Variants in NSMAF observed in about 807,000 individuals in gnomAD.
The protein encoded by NSMAF is protein FAN.
NSMAF carries 90 observed loss-of-function variants against 134.9 expected under a neutral mutation model. The ratio of observed to expected loss-of-function variants is 0.67; its 90% CI spans 0.56 to 0.79. NSMAF has a LOEUF of 0.79. Among genes scored for constraint, NSMAF ranks in the 30% least tolerant of loss-of-function variants. The pLI is 0.00. For synonymous variants in NSMAF, 358 were observed against 389.6 expected (o/e 0.92, Z 0.96); for missense variants, 1,010 against 1,119.0 (o/e 0.90, Z 1.39).
At chr8:58,658,641 C>A (rs1328569982) in intron 1 of NSMAF, among the ~76,000 whole-genome samples, 1 of 152,206 alleles carries the variant, frequency 6.6e-6, no homozygotes, top group Non-Finnish European at 1.5e-5. Context: ...ACAATCAAAA[C>A]AGTGTGTCTG....
chr8:58,605,399 A>G (rs10086130), intron 12 of NSMAF, among the ~76,000 whole-genome samples: 8,117 of 152,290 alleles, frequency 0.053, 557 homozygotes, highest in East Asian at 0.2. Context: ...AAACTAATAT[A>G]AGACCTGACT....
intron 1 of NSMAF, 190 bp downstream of exon 1, chr8:58,659,383 G>A: frequency 6.6e-7 from 1 of 1,519,264 alleles, no homozygotes; most frequent in Non-Finnish European, 8.8e-7. Context: ...GCCCAGACCA[G>A]GCCCCCGGCC....
chr8:58,622,737 T>C (rs1428996258), intron 9 of NSMAF, among the ~76,000 whole-genome samples: 1 of 152,106 alleles, frequency 6.6e-6, no homozygotes, highest in African/African-American at 2.4e-5. Context: ...TCTCACTATG[T>C]TGCCCAGGCT....
At chr8:58,636,650 A>G (rs1362049469) in intron 2 of NSMAF, among the ~76,000 whole-genome samples, 1 of 152,226 alleles carries the variant, frequency 6.6e-6, no homozygotes, top group African/African-American at 2.4e-5. Flanking sequence ...CTCAGTCACA[A>G]CCATTCAACT....
chr8:58,584,003 ACTT>A lies in NSMAF; in HGVS notation c.*100_*102del. 1.1e-6 allele frequency: 1 copy of A among 916,048 alleles called. No homozygotes were observed. Among genetic ancestry groups the A allele is most frequent in the South Asian group, 1.4e-5 (1 of 71,788 alleles). 56.7% of individuals were successfully genotyped at this position (916,048 alleles called of 1,614,324 possible). On this transcript the variant is annotated 3_prime_UTR_variant, in exon 31 of 31. Coordinates refer to ENST00000038176, the MANE Select transcript of NSMAF (RefSeq NM_003580.4). The stretch of plus-strand genomic sequence containing the variant: ...AACCACAAATTTTCCATGTGGTAAA[ACTT>A]CTAATTACTAACATTGCACATTCAC...
intron 28 of NSMAF, 64 bp from the exon 29 acceptor site, chr8:58,586,064 G>T (rs1805878498): frequency 7.7e-7 from 1 of 1,295,382 alleles, no homozygotes; most frequent in Non-Finnish European, 1.1e-6. Context: ...CATTATTCTG[G>T]ATTTTATTTC....
chr8:58,623,343 A>C (rs1806835335), intron 8 of NSMAF, 34 bp downstream of exon 8: 3 of 1,610,472 alleles, frequency 1.9e-6, no homozygotes, highest in Non-Finnish European at 2.5e-6. Flanking sequence ...AAGTTAATTG[A>C]CAATCAAAGA....
At position 58,609,588 on chromosome 8, in the gene NSMAF, C is replaced by A; in HGVS notation, c.687+16G>T. 6.2e-7 allele frequency: 1 copy of A among 1,613,776 alleles called. No individual in the cohort carries two copies. Among genetic ancestry groups the A allele is most frequent in the Non-Finnish European group, 8.5e-7 (1 of 1,179,872 alleles). ...AAACATGGGCAGCTCCCCACCTGAC[C>A]CTGTGGTCTACACACCGGGTAGCCG... On this transcript the variant is annotated intron_variant, in intron 10 of 30. Coordinates refer to ENST00000038176, the MANE Select transcript of NSMAF (RefSeq NM_003580.4).
chr8:58,583,978 A>G lies in NSMAF; in HGVS notation c.*128T>C. ...AGTCACCATGATTTAGAAAGTTTAA[A>G]ACCACAAATTTTCCATGTGGTAAAA... On this transcript the variant is annotated 3_prime_UTR_variant, in exon 31 of 31. Coordinates refer to ENST00000038176, the MANE Select transcript of NSMAF (RefSeq NM_003580.4). 1.3e-6 allele frequency: 1 copy of G among 761,448 alleles called. No homozygotes were observed. Among genetic ancestry groups the G allele is most frequent in the Non-Finnish European group, 2.3e-6 (1 of 444,242 alleles). The allele number at this position is 761,448 out of a possible 1,614,324, so 47.2% of individuals were successfully genotyped here.
chr8:58,610,037 A>G (rs1449891317), intron 9 of NSMAF, among the ~76,000 whole-genome samples: 1 of 152,060 alleles, frequency 6.6e-6, no homozygotes, highest in African/African-American at 2.4e-5. Context: ...AGGCCTTGAA[A>G]CTATTCTTAC....
At chr8:58,637,482 T>C in intron 2 of NSMAF, 1 of 424,428 alleles carries the variant, frequency 2.4e-6, no homozygotes, top group Non-Finnish European at 4.8e-6. Context: ...AACATAGTAC[T>C]GGAAATCCTA....
At chr8:58,651,665 A>G (rs1039309353) in intron 1 of NSMAF, among the ~76,000 whole-genome samples, 2 of 152,206 alleles carry the variant, frequency 1.3e-5, no homozygotes, top group African/African-American at 2.4e-5. Flanking sequence ...CAGCCTTTTT[A>G]TATGTACTAT....
chr8:58,659,603 T>C lies in NSMAF; in HGVS notation c.29A>G (p.Glu10Gly). 6.7e-7 allele frequency: 1 copy of C among 1,494,852 alleles called. No individual in the cohort carries two copies. Among genetic ancestry groups the C allele is most frequent in the East Asian group, 2.8e-5 (1 of 35,560 alleles). 92.6% of individuals were successfully genotyped at this position (1,494,852 alleles called of 1,614,324 possible). A position where few individuals can be genotyped will look rare whatever the true frequency, so the allele number is the denominator to read the frequency against. MAFIRKKQQEQQLQLYSKER... is the reference protein window; with the variant it reads MAFIRKKQQGQQLQLYSKER... ...CTTGGAGTAGAGCTGCAGCTGCTGCTCCTGCTGCTTCTTCCGGATAAACGC... is the reference window on the plus strand; with the variant it reads ...CTTGGAGTAGAGCTGCAGCTGCTGCCCCTGCTGCTTCTTCCGGATAAACGC... Residue 10 changes from glutamate to glycine, a missense_variant, in exon 1 of 31, where the codon GAG becomes GGG. Coordinates refer to ENST00000038176, the MANE Select transcript of NSMAF (RefSeq NM_003580.4).
intron 6 of NSMAF, among the ~76,000 whole-genome samples, chr8:58,629,737 AC>A (rs1807014719): frequency 6.6e-6 from 1 of 152,220 alleles, no homozygotes; most frequent in Non-Finnish European, 1.5e-5. Context: ...GGCCTCTCAA[AC>A]CTTTTCTATG....
At chr8:58,613,419 C>T (rs913883018) in intron 9 of NSMAF, among the ~76,000 whole-genome samples, 8 of 152,054 alleles carry the variant, frequency 5.3e-5, no homozygotes, top group Non-Finnish European at 7.4e-5. Context: ...CACTCTGGCA[C>T]GAGGTACATA....
intron 6 of NSMAF, among the ~76,000 whole-genome samples, chr8:58,624,123 C>A (rs1369179309): frequency 1.4e-5 from 2 of 142,110 alleles, no homozygotes; most frequent in African/African-American, 2.6e-5. Context: ...CTCACTGCAA[C>A]CTCCGTCTCC....
Position 58,655,899 on chromosome 8 carries a change from C to G in NSMAF, c.59+3674G>C, listed in dbSNP as rs556038422. 1.2e-3 allele frequency among the ~76,000 whole-genome samples: 181 copies of G among 149,840 alleles called. 1 individual carries two copies. The highest frequency in any genetic ancestry group is 4.2e-3 in the African/African-American group (170 of 40,332). On this transcript the variant is annotated intron_variant, in intron 1 of 30. Coordinates refer to ENST00000038176, the MANE Select transcript of NSMAF (RefSeq NM_003580.4). ...TCCAGCCTGGGCGAGAGTGAGACTC[C>G]GTCTCAATAAAAAAAAACAATAAAA...
chr8:58,622,233 T>G (rs1259946981), intron 9 of NSMAF, among the ~76,000 whole-genome samples: 1 of 152,114 alleles, frequency 6.6e-6, no homozygotes, highest in Non-Finnish European at 1.5e-5. Context: ...AGAAAGGACA[T>G]TTTAAAATTT....
intron 10 of NSMAF, 26 bp from the exon 11 acceptor site, chr8:58,607,866 A>C: frequency 6.4e-7 from 1 of 1,570,762 alleles, no homozygotes. Flanking sequence ...GACAATCTCA[A>C]ACATTATTGT....
Sources: allele counts gnomAD v4.1 joint callset (sites outside exome capture counted in the v4.1 genomes callset), GRCh38; gene constraint gnomAD v4.1.1; transcripts MANE v1.5; gene names NCBI Gene and HGNC (gene_info 2026-07-23, HGNC 2026-07-21).